Variants in CADPS observed in about 807,000 individuals in gnomAD.
The protein encoded by CADPS is calcium-dependent secretion activator 1.
CADPS carries 57 observed loss-of-function variants against 167.3 expected under a neutral mutation model. That is an observed-to-expected ratio of 0.34 (90% CI 0.28 to 0.42). The LOEUF (loss-of-function observed/expected upper bound fraction) is 0.42. CADPS is among the 20% of genes least tolerant of loss of function. CADPS has a pLI of 1.00. For synonymous variants in CADPS, 676 were observed against 635.3 expected (o/e 1.06, Z -0.96); for missense variants, 1,414 against 1,738.1 (o/e 0.81, Z 3.32).
At chr3:62,504,401 T>C (rs9852708) in intron 17 of CADPS, among the ~76,000 whole-genome samples, 2,891 of 152,360 alleles carry the variant, frequency 0.019, 72 homozygotes, top group African/African-American at 0.066. Context: ...AGTGAATGCA[T>C]GTTACCTGCA....
chr3:62,724,575 A>C (rs892686611), intron 3 of CADPS, among the ~76,000 whole-genome samples: 2 of 152,196 alleles, frequency 1.3e-5, no homozygotes, highest in African/African-American at 4.8e-5. Context: ...CCAAATAATA[A>C]AGCATTCTCA....
intron 28 of CADPS, among the ~76,000 whole-genome samples, chr3:62,411,989 C>T (rs550202519): frequency 6.6e-6 from 1 of 152,302 alleles, no homozygotes; most frequent in Middle Eastern, 3.4e-3. Flanking sequence ...TTCCCAGTCA[C>T]AGCTTCAGGA....
At chr3:62,554,877 C>G (rs565396337) in intron 10 of CADPS, among the ~76,000 whole-genome samples, 104 of 152,236 alleles carry the variant, frequency 6.8e-4, no homozygotes, top group African/African-American at 2.1e-3. Context: ...TTCAGCCTCC[C>G]GAGTAGCTCG....
chr3:62,819,407 C>CGTGTGT (rs3047244), intron 1 of CADPS, among the ~76,000 whole-genome samples: 6,210 of 144,026 alleles, frequency 0.043, 268 homozygotes, highest in African/African-American at 0.11. Context: ...AATCTGTGTG[C>CGTGTGT]GTGTGTGTGT....
At chr3:62,746,047 C>T (rs2081374122) in intron 3 of CADPS, among the ~76,000 whole-genome samples, 1 of 152,148 alleles carries the variant, frequency 6.6e-6, no homozygotes, top group South Asian at 2.1e-4. Context: ...AACTTCTCTA[C>T]AAAGGTTACA....
chr3:62,664,465 A>G (rs1169415711), intron 3 of CADPS, among the ~76,000 whole-genome samples: 1 of 152,240 alleles, frequency 6.6e-6, no homozygotes, highest in Non-Finnish European at 1.5e-5. Flanking sequence ...ACTTGTTGAC[A>G]GGCACACACA....
At chr3:62,533,223 G>C (rs566422523) in intron 12 of CADPS, among the ~76,000 whole-genome samples, 165 bp from the exon 13 acceptor site, 1 of 152,236 alleles carries the variant, frequency 6.6e-6, no homozygotes, top group East Asian at 1.9e-4. Flanking sequence ...TTGCGGTTTA[G>C]TCCTCACAGT....
At chr3:62,599,614 TATATA>T (rs1157991004) in intron 6 of CADPS, among the ~76,000 whole-genome samples, 1 of 54,104 alleles carries the variant, frequency 1.8e-5, no homozygotes, top group African/African-American at 7.0e-5. Context: ...TATTATATTA[TATATA>T]ATATATAATA....
chr3:62,649,452 C>A (rs894675640), intron 5 of CADPS, among the ~76,000 whole-genome samples: 4 of 150,822 alleles, frequency 2.7e-5, no homozygotes, highest in African/African-American at 9.7e-5. Flanking sequence ...CCCTTTTTCA[C>A]CCCTTGCCCC....
At chr3:62,613,993 C>A (rs2061878779) in intron 6 of CADPS, among the ~76,000 whole-genome samples, 2 of 152,140 alleles carry the variant, frequency 1.3e-5, no homozygotes, top group Admixed American at 6.5e-5. Flanking sequence ...TGAGAGAGTG[C>A]TCCCACCTCC....
intron 28 of CADPS, among the ~76,000 whole-genome samples, chr3:62,434,012 T>C (rs2054489025): frequency 6.6e-6 from 1 of 152,224 alleles, no homozygotes; most frequent in Non-Finnish European, 1.5e-5. Flanking sequence ...ATGGAGATTA[T>C]TTCATATCCA....
chr3:62,453,297 A>ATT (rs980048476), intron 26 of CADPS, among the ~76,000 whole-genome samples: 1 of 151,886 alleles, frequency 6.6e-6, no homozygotes, highest in African/African-American at 2.4e-5. Flanking sequence ...GTACTGTTTC[A>ATT]TTTTTTTTAG....
At chr3:62,856,864 T>TAA (rs201438087) in intron 1 of CADPS, among the ~76,000 whole-genome samples, 1 of 139,674 alleles carries the variant, frequency 7.2e-6, no homozygotes, top group Non-Finnish European at 1.6e-5. Flanking sequence ...AATATAAAGG[T>TAA]AAAAAAAAAA....
intron 3 of CADPS, among the ~76,000 whole-genome samples, chr3:62,721,138 A>ATTTTTTTTTTTTT (rs1430413610): frequency 0.011 from 871 of 78,780 alleles, 9 homozygotes; most frequent in African/African-American, 0.043. Context: ...TTTTTTTAAA[A>ATTTTTTTTTTTTT]AAAAAAAGAA....
At chr3:62,627,607 A>G (rs940397496) in intron 6 of CADPS, among the ~76,000 whole-genome samples, 3 of 150,070 alleles carry the variant, frequency 2.0e-5, no homozygotes, top group East Asian at 4.0e-4. Flanking sequence ...CCACTATTTG[A>G]TGCTTTTCTT....
intron 21 of CADPS, among the ~76,000 whole-genome samples, chr3:62,489,810 C>T (rs937810801): frequency 1.2e-4 from 18 of 151,996 alleles, no homozygotes; most frequent in African/African-American, 3.1e-4. Flanking sequence ...AGCTATTCTC[C>T]AGCACAACTG....
chr3:62,461,038 T>C (rs1470301964), intron 26 of CADPS, among the ~76,000 whole-genome samples: 2 of 152,176 alleles, frequency 1.3e-5, no homozygotes, highest in Non-Finnish European at 1.5e-5. Context: ...CCTGGGCTAC[T>C]CCTACATCTT....
intron 7 of CADPS, among the ~76,000 whole-genome samples, chr3:62,590,312 G>A (rs1024149811): frequency 6.6e-6 from 1 of 152,056 alleles, no homozygotes; most frequent in South Asian, 2.1e-4. Flanking sequence ...TAATATTCAG[G>A]ATCTCTGAGA....
At chr3:62,741,088 T>G (rs2080134532) in intron 3 of CADPS, among the ~76,000 whole-genome samples, 1 of 152,208 alleles carries the variant, frequency 6.6e-6, no homozygotes, top group South Asian at 2.1e-4. Flanking sequence ...TATACTTCAT[T>G]ATTCATTAGA....
Sources: allele counts gnomAD v4.1 joint callset (sites outside exome capture counted in the v4.1 genomes callset), GRCh38; gene constraint gnomAD v4.1.1; transcripts MANE v1.5; gene names NCBI Gene and HGNC (gene_info 2026-07-23, HGNC 2026-07-21).